Variants in EXPH5 observed in about 807,000 individuals in gnomAD.
EXPH5 encodes exophilin 5, also known as exophilin-5.
Under a neutral mutation model 41.1 loss-of-function variants are expected in EXPH5, and 42 were observed. The observed-to-expected ratio is 1.02, with a 90% CI of 0.80 to 1.32. EXPH5 has a LOEUF of 1.32. Ranked by LOEUF, EXPH5 falls within the 40% of genes most tolerant of loss-of-function variation. EXPH5 has a pLI of 0.00. For missense variants in EXPH5, 2,298 were observed against 2,314.5 expected (o/e 0.99, Z 0.15); for synonymous variants, 798 against 833.5 (o/e 0.96, Z 0.73).
At chr11:108,562,273 T>G (rs1275577095) in intron 1 of EXPH5, among the ~76,000 whole-genome samples, 4 of 150,882 alleles carry the variant, frequency 2.7e-5, no homozygotes, top group Admixed American at 2.6e-4. Context: ...GTGTTTTTTT[T>G]TTTTTTTTTT....
chr11:108,535,662 G>T (rs2093874925), intron 3 of EXPH5, among the ~76,000 whole-genome samples: 1 of 152,190 alleles, frequency 6.6e-6, no homozygotes, highest in South Asian at 2.1e-4. Flanking sequence ...AATAGAATTT[G>T]ACCTTTTTAC....
chr11:108,584,477 C>CA lies in EXPH5; in HGVS notation c.119+8940dup, dbSNP rs1250294021. ...TAGGCGACAAAGAGAGACCCTGTCT[C>CA]AAAAAAAAAAAAAGGGAGGAAGCAT... On this transcript the variant is annotated intron_variant, in intron 1 of 5. Transcript: ENST00000265843. Among the ~76,000 whole-genome samples, 973 of 131,868 alleles carry CA rather than the reference C, an allele frequency of 7.4e-3. 4 individuals carry two copies. The highest frequency in any genetic ancestry group is 0.014 in the African/African-American group (490 of 34,656). 86.5% of individuals were successfully genotyped at this position (131,868 alleles called of 152,430 possible).
At chr11:108,557,292 C>T (rs2136071071) in intron 1 of EXPH5, among the ~76,000 whole-genome samples, 1 of 152,172 alleles carries the variant, frequency 6.6e-6, no homozygotes, top group Non-Finnish European at 1.5e-5. Context: ...ACAATGTCCT[C>T]ATGCTTGTAG....
At chr11:108,606,530 T>A in the EXPH5 span, among the ~76,000 whole-genome samples, 1 of 152,136 alleles carries the variant, frequency 6.6e-6, no homozygotes, top group African/African-American at 2.4e-5. Flanking sequence ...CTTACTCACC[T>A]TTTTTTAAAA....
At chr11:108,525,673 G>A (rs1330920568) in intron 4 of EXPH5, among the ~76,000 whole-genome samples, 2 of 151,902 alleles carry the variant, frequency 1.3e-5, no homozygotes, top group Non-Finnish European at 2.9e-5. Context: ...TACCATTCCT[G>A]CCTGGCTGCC....
chr11:108,519,977 A>AAT, intron 4 of EXPH5, among the ~76,000 whole-genome samples: 1 of 139,136 alleles, frequency 7.2e-6, no homozygotes, highest in South Asian at 2.3e-4. Flanking sequence ...AAAAAAAAAA[A>AAT]TTGCGAACCT....
chr11:108,514,250 A>G lies in EXPH5; in HGVS notation c.1257T>C (p.His419=). ...TAACACGTTGGTAAACATTCTGTGA[A>G]TGGTACGATTCATATCTCTTATTCT... ...FQENKRYESY[H]SQNVYQRVSL... The change falls in exon 6 of 6, where the codon CAT becomes CAC. Residue 419 remains histidine, a synonymous_variant. Coordinates refer to ENST00000265843, the MANE Select transcript of EXPH5 (RefSeq NM_015065.3). The G allele has an allele frequency of 1.2e-6, 2 of 1,614,228 alleles. No individual in the cohort carries two copies. Among genetic ancestry groups the G allele is most frequent in the Non-Finnish European group, 1.7e-6 (2 of 1,180,044 alleles).
chr11:108,594,122 G>A (rs751800726), upstream of EXPH5, among the ~76,000 whole-genome samples: 2 of 152,166 alleles, frequency 1.3e-5, no homozygotes, highest in Non-Finnish European at 2.9e-5. Context: ...GTTTGTAACT[G>A]GCAAAAGGGT....
chr11:108,551,820 T>C (rs1410823901), intron 1 of EXPH5, among the ~76,000 whole-genome samples: 1 of 152,114 alleles, frequency 6.6e-6, no homozygotes, highest in Non-Finnish European at 1.5e-5. Context: ...ATTAAAGTTT[T>C]CCTCCCACGC....
the EXPH5 span, among the ~76,000 whole-genome samples, chr11:108,604,614 A>G: frequency 6.6e-6 from 1 of 152,142 alleles, no homozygotes; most frequent in African/African-American, 2.4e-5. Context: ...GTCCTGGTTT[A>G]TAGATGACAG....
chr11:108,582,026 T>C (rs542387208), intron 1 of EXPH5, among the ~76,000 whole-genome samples: 5 of 152,306 alleles, frequency 3.3e-5, no homozygotes, highest in African/African-American at 1.2e-4. Context: ...AAACTTCCCA[T>C]TCCAGATGGT....
In EXPH5 at chr11:108,581,849, TAATA is replaced by T. The variant is rs141024797; in HGVS notation, c.119+11565_119+11568del. The stretch of plus-strand genomic sequence containing the variant: ...ACATAATATTCAGACATTAAAAGGA[TAATA>T]AATAAATATTATAAATAACTTTATG... On this transcript the variant is annotated intron_variant, in intron 1 of 5. Transcript: ENST00000265843. 2.4e-3 allele frequency among the ~76,000 whole-genome samples: 370 copies of T among 152,160 alleles called. 2 individuals are homozygous for T. The highest frequency in any genetic ancestry group is 8.4e-3 in the African/African-American group (348 of 41,532).
At chr11:108,544,299 C>A (rs919245354) in intron 1 of EXPH5, among the ~76,000 whole-genome samples, 1 of 152,178 alleles carries the variant, frequency 6.6e-6, no homozygotes, top group Non-Finnish European at 1.5e-5. Flanking sequence ...AAGTGATCCT[C>A]TGGCCTCAGC....
chr11:108,557,414 G>A (rs760084042), intron 1 of EXPH5, among the ~76,000 whole-genome samples: 2 of 152,194 alleles, frequency 1.3e-5, no homozygotes, highest in Admixed American at 1.3e-4. Context: ...CATGATCTCG[G>A]CTGATTGCAA....
chr11:108,593,676 A>G lies in EXPH5; in HGVS notation c.-140T>C. The stretch of plus-strand genomic sequence containing the variant: ...TCCGCCCCTTTGAAAGTCTAAAACC[A>G]CAAACCTAGGGAACGCCCACACCTG... On this transcript the variant is annotated 5_prime_UTR_variant, in exon 1 of 6. Coordinates refer to ENST00000265843, the MANE Select transcript of EXPH5 (RefSeq NM_015065.3). 2.6e-6 allele frequency: 4 copies of G among 1,560,414 alleles called. No homozygotes were observed. In the East Asian group the frequency reaches 7.1e-5, roughly 28 times the overall value.
intron 1 of EXPH5, among the ~76,000 whole-genome samples, chr11:108,565,595 C>T (rs540895811): frequency 1.1e-3 from 163 of 152,310 alleles, no homozygotes; most frequent in African/African-American, 3.8e-3. Flanking sequence ...CAGCCAATTG[C>T]CCTGGGAATT....
At chr11:108,564,932 C>T (rs1332987889) in intron 1 of EXPH5, among the ~76,000 whole-genome samples, 9 of 116,218 alleles carry the variant, frequency 7.7e-5, no homozygotes, top group Admixed American at 1.1e-4. Context: ...AAGATGGAGT[C>T]TCACTCTGTC....
chr11:108,577,505 C>T (rs910228321), intron 1 of EXPH5, among the ~76,000 whole-genome samples: 6 of 151,856 alleles, frequency 4.0e-5, no homozygotes, highest in African/African-American at 1.5e-4. Context: ...CTCACTGCAT[C>T]CTCTGCCTCC....
At position 108,514,704 on chromosome 11, in the gene EXPH5, T is replaced by C. The variant is rs775966392; in HGVS notation, c.803A>G (p.Asn268Ser). Reference protein sequence around the residue: ...RHKKHYNETSNMSIYDILRPG... With the variant: ...RHKKHYNETSSMSIYDILRPG... Reference sequence around the variant, plus strand: ...TCTTAGGATGTCATAGATAGACATATTGGAAGTTTCATTATAGTGTTTTTT... The same window carrying C: ...TCTTAGGATGTCATAGATAGACATACTGGAAGTTTCATTATAGTGTTTTTT... The change falls in exon 6 of 6, where the codon AAT (asparagine) becomes AGT (serine). Residue 268 changes from asparagine (N) to serine (S), a missense_variant. Transcript: ENST00000265843. The C allele has an allele frequency of 1.2e-5, 20 of 1,606,680 alleles. No homozygotes were observed. The highest frequency in any genetic ancestry group is 1.0e-4 in the South Asian group (9 of 89,084).
Sources: gnomAD v4.1 joint callset for allele counts (sites outside exome capture counted in the v4.1 genomes callset) on GRCh38, gnomAD v4.1.1 for gene constraint, MANE v1.5 for transcripts, NCBI Gene and HGNC (gene_info 2026-07-23, HGNC 2026-07-21) for gene names.